Variants in INPP5A observed in about 807,000 individuals in gnomAD.
The protein encoded by INPP5A is 43 kDa inositol polyphosphate 5-phophatase.
INPP5A carries 14 observed loss-of-function variants against 65.2 expected under a neutral mutation model. The ratio of observed to expected loss-of-function variants is 0.21; its 90% CI spans 0.14 to 0.34. INPP5A has a LOEUF of 0.34. INPP5A is among the 10% of genes least tolerant of loss of function. The pLI is 1.00. For missense variants in INPP5A, 431 were observed against 545.6 expected, an observed-to-expected ratio of 0.79 and a Z score of 2.09; for synonymous variants, 207 against 208.3, an observed-to-expected ratio of 0.99 and a Z score of 0.05.
At chr10:132,700,608 G>A (rs751831295) in intron 6 of INPP5A, among the ~76,000 whole-genome samples, 25 of 152,022 alleles carry the variant, frequency 1.6e-4, no homozygotes, top group Non-Finnish European at 1.5e-4. Flanking sequence ...GAGGGGCCCG[G>A]GGAGCCATGG....
At chr10:132,780,561 A>G (rs1591010839) in intron 13 of INPP5A, among the ~76,000 whole-genome samples, 1 of 152,202 alleles carries the variant, frequency 6.6e-6, no homozygotes. Context: ...CCGGGCCAGC[A>G]CCCGCGGCTC....
Position 132,684,359 on chromosome 10 carries a change from G to A in INPP5A, c.307-6033G>A, listed in dbSNP as rs557152999. 9.8e-5 allele frequency among the ~76,000 whole-genome samples: 15 copies of A among 152,334 alleles called. 1 individual carries two copies. The South Asian group carries it at 2.9e-3, about 29-fold the overall frequency. ...AGAGAGGTCTGTGTGTGCATTCCAC[G>A]TGTGTATACAGACATATGTATGTCT... On this transcript the variant is annotated intron_variant, in intron 4 of 15. Transcript: ENST00000368594.
intron 8 of INPP5A, among the ~76,000 whole-genome samples, chr10:132,726,256 A>G (rs2134580390): frequency 6.6e-6 from 1 of 152,282 alleles, no homozygotes; most frequent in East Asian, 1.9e-4. Context: ...CCGAGTGGAG[A>G]TCATATGTAA....
intron 5 of INPP5A, among the ~76,000 whole-genome samples, chr10:132,692,799 G>A (rs1274459289): frequency 6.6e-6 from 1 of 152,190 alleles, no homozygotes; most frequent in Non-Finnish European, 1.5e-5. Context: ...GCTAAAAGAA[G>A]CTCTTCAACG....
rs1306759427 is a variant in INPP5A at position 132,538,567 on chromosome 10, A to C, written c.75+396A>C. On this transcript the variant is annotated intron_variant, in intron 1 of 15. Coordinates refer to ENST00000368594, the MANE Select transcript of INPP5A (RefSeq NM_005539.5). The surrounding 1 kb of genome is among the most constrained non-coding windows in gnomAD (Gnocchi z 4.1). ...AACCCCAGAAACCGGGTCTGTGCGC[A>C]CCAAACCCAGCCCCAGCCCTGATTT... 6.6e-6 allele frequency among the ~76,000 whole-genome samples: 1 copy of C among 151,984 alleles called. No individual in the cohort carries two copies. The highest frequency in any genetic ancestry group is 1.5e-5 in the Non-Finnish European group (1 of 67,978).
chr10:132,703,842 C>CA (rs1293847176), intron 6 of INPP5A, among the ~76,000 whole-genome samples: 18 of 43,302 alleles, frequency 4.2e-4, no homozygotes, highest in African/African-American at 1.0e-3. Context: ...TCACCCCCCC[C>CA]CACACACACA....
At chr10:132,756,362 G>A (rs1188632731) in intron 11 of INPP5A, among the ~76,000 whole-genome samples, 3 of 151,958 alleles carry the variant, frequency 2.0e-5, no homozygotes, top group Non-Finnish European at 4.4e-5. Context: ...GTGTGTACAC[G>A]TGTGCACTCG....
At chr10:132,564,906 C>T (rs2071254265) in intron 1 of INPP5A, among the ~76,000 whole-genome samples, 1 of 152,072 alleles carries the variant, frequency 6.6e-6, no homozygotes, top group South Asian at 2.1e-4. Context: ...GAGAATTCCA[C>T]CCATGGGCTC....
At chr10:132,776,345 G>A (rs374256364) in intron 12 of INPP5A, among the ~76,000 whole-genome samples, 1 of 151,988 alleles carries the variant, frequency 6.6e-6, no homozygotes, top group Non-Finnish European at 1.5e-5. Context: ...CGTCAGGGCA[G>A]AGCAAGTTCC....
intron 2 of INPP5A, among the ~76,000 whole-genome samples, chr10:132,609,752 C>G (rs978586839): frequency 6.6e-6 from 1 of 152,202 alleles, no homozygotes; most frequent in Non-Finnish European, 1.5e-5. Context: ...TCACGCCATT[C>G]TCCTGCCTCA....
At chr10:132,775,185 AGAGG>A (rs138898060) in intron 12 of INPP5A, among the ~76,000 whole-genome samples, 9 of 604 alleles carry the variant, frequency 0.015, no homozygotes, top group Admixed American at 0.019. Context: ...GGGCAGGGAG[AGAGG>A]GAGGGGCAGG....
At chr10:132,724,976 C>T (rs1454537728) in intron 8 of INPP5A, among the ~76,000 whole-genome samples, 1 of 150,110 alleles carries the variant, frequency 6.7e-6, no homozygotes, top group African/African-American at 2.5e-5. Flanking sequence ...GGAGCACACG[C>T]CATATTCACC....
intron 11 of INPP5A, among the ~76,000 whole-genome samples, chr10:132,763,836 A>AAC (rs987746117): frequency 6.6e-6 from 1 of 151,966 alleles, no homozygotes; most frequent in East Asian, 1.9e-4. Flanking sequence ...TCTGCATGCA[A>AAC]ACACACACAT....
chr10:132,778,302 A>ATTTTTTTTTTTT (rs57172206), intron 13 of INPP5A, among the ~76,000 whole-genome samples: 1 of 72,960 alleles, frequency 1.4e-5, no homozygotes, highest in Non-Finnish European at 2.3e-5. Context: ...TTTAATAATA[A>ATTTTTTTTTTTT]TTTTTTTTTT....
Position 132,707,841 on chromosome 10 carries a change from G to T in INPP5A, c.475-472G>T, listed in dbSNP as rs1432754337. On this transcript the variant is annotated intron_variant, in intron 6 of 15. Transcript: ENST00000368594. The surrounding 1 kb of genome is among the most constrained non-coding windows in gnomAD (Gnocchi z 5.5). Reference sequence around the variant, plus strand: ...CGGCATCGGTGGGTGAGAGGCATCGGTGGGTGGTGGGGATCAGTGAGAGAC... The same window carrying T: ...CGGCATCGGTGGGTGAGAGGCATCGTTGGGTGGTGGGGATCAGTGAGAGAC... Among the ~76,000 whole-genome samples the T allele has an allele frequency of 6.6e-6, 1 of 152,060 alleles. No individual in the cohort carries two copies. The highest frequency in any genetic ancestry group is 1.5e-5 in the Non-Finnish European group (1 of 68,012).
chr10:132,605,780 CT>C (rs2071841636), intron 1 of INPP5A, among the ~76,000 whole-genome samples: 1 of 152,144 alleles, frequency 6.6e-6, no homozygotes, highest in African/African-American at 2.4e-5. Context: ...AGGGCCTTGT[CT>C]TTTTTTCACG....
At chr10:132,594,247 CGT>C (rs898514582) in intron 1 of INPP5A, among the ~76,000 whole-genome samples, 35 of 152,220 alleles carry the variant, frequency 2.3e-4, no homozygotes, top group African/African-American at 7.7e-4. Context: ...CCTCTAACCG[CGT>C]GTGATTATTA....
At chr10:132,597,042 C>G (rs2071710486) in intron 1 of INPP5A, among the ~76,000 whole-genome samples, 2 of 148,306 alleles carry the variant, frequency 1.3e-5, no homozygotes, top group African/African-American at 5.1e-5. Context: ...CATGTGTATG[C>G]ATGCATGTGT....
chr10:132,538,215 C>G lies in INPP5A; in HGVS notation c.75+44C>G, dbSNP rs898098022. The G allele has an allele frequency of 8.6e-7, 1 of 1,167,616 alleles. No homozygotes were observed. The highest frequency in any genetic ancestry group is 1.1e-6 in the Non-Finnish European group (1 of 923,386). 72.3% of individuals were successfully genotyped at this position (1,167,616 alleles called of 1,614,324 possible). A position where few individuals can be genotyped will look rare whatever the true frequency, so the allele number is the denominator to read the frequency against. ...CGGCAGGCCCCAAGCCCGGAACCCC[C>G]GACCCTGACCCCGGGGTCCCGAACT... On this transcript the variant is annotated intron_variant, in intron 1 of 15. Coordinates refer to ENST00000368594, the MANE Select transcript of INPP5A (RefSeq NM_005539.5). The surrounding 1 kb of genome is among the most constrained non-coding windows in gnomAD (Gnocchi z 4.1).
Sources: gnomAD v4.1 joint callset for allele counts (sites outside exome capture counted in the v4.1 genomes callset) on GRCh38, gnomAD v4.1.1 for gene constraint, Gnocchi (gnomAD v3.1) non-coding constraint, MANE v1.5 for transcripts, NCBI Gene and HGNC (gene_info 2026-07-23, HGNC 2026-07-21) for gene names.